The following MYO1D variants were observed in gnomAD, a reference collection of about 807,000 sequenced individuals.
MYO1D encodes the protein myosin ID.
Under a neutral mutation model 122.0 loss-of-function variants are expected in MYO1D, and 83 were observed. The ratio of observed to expected loss-of-function variants is 0.68; its 90% confidence interval spans 0.57 to 0.82. The LOEUF (loss-of-function observed/expected upper bound fraction) is 0.82, where lower values mean the gene tolerates loss of function less well. MYO1D is among the 40% of genes least tolerant of loss of function. The probability of loss-of-function intolerance (pLI) is 0.00; values close to 1 mark genes in which losing one functional copy is unlikely to be tolerated. For synonymous variants in MYO1D, 464 were observed against 446.9 expected, an observed-to-expected ratio of 1.04 and a Z score of -0.48; for missense variants, 1,157 against 1,269.5, an observed-to-expected ratio of 0.91 and a Z score of 1.35.
intron 20 of MYO1D, among the ~76,000 whole-genome samples, chr17:32,630,957 C>T (rs2087997616): frequency 6.6e-6 from 1 of 152,118 alleles, no homozygotes; most frequent in African/African-American, 2.4e-5. Context: ...TCCCTCTGTA[C>T]CTATGTTGTA....
At chr17:32,662,239 A>G (rs1939529262) in intron 16 of MYO1D, among the ~76,000 whole-genome samples, 2 of 152,182 alleles carry the variant, frequency 1.3e-5, no homozygotes, top group Non-Finnish European at 1.5e-5. Context: ...TATGGCCAAT[A>G]CATTTCTATT....
intron 21 of MYO1D, among the ~76,000 whole-genome samples, chr17:32,500,103 G>A (rs1339210322): frequency 6.6e-6 from 1 of 152,224 alleles, no homozygotes; most frequent in African/African-American, 2.4e-5. Context: ...AGCTGCATGC[G>A]TGGTGCTGCC....
chr17:32,631,610 G>A (rs1197478766), intron 20 of MYO1D, among the ~76,000 whole-genome samples: 1 of 151,520 alleles, frequency 6.6e-6, no homozygotes, highest in Non-Finnish European at 1.5e-5. Flanking sequence ...TTGCACAACT[G>A]CACTCCAGCC....
chr17:32,844,345 TTATATGTGTATATATATTATATATAGTA>T, intron 1 of MYO1D, among the ~76,000 whole-genome samples: 1 of 144,770 alleles, frequency 6.9e-6, no homozygotes, highest in East Asian at 1.9e-4. Flanking sequence ...TATGTATATA[TTATATGTGTATATATATTATATATAGTA>T]TATATGTGTA....
At chr17:32,810,883 T>C (rs2090565539) in intron 1 of MYO1D, among the ~76,000 whole-genome samples, 1 of 152,202 alleles carries the variant, frequency 6.6e-6, no homozygotes, top group African/African-American at 2.4e-5. Context: ...TATTTATGAG[T>C]CTTTTAAAAA....
At chr17:32,563,814 C>A (rs2087148369) in intron 21 of MYO1D, among the ~76,000 whole-genome samples, 1 of 152,200 alleles carries the variant, frequency 6.6e-6, no homozygotes, top group African/African-American at 2.4e-5. Flanking sequence ...TTCAATCACA[C>A]CTCAAACTGC....
At chr17:32,635,234 T>C (rs1047305905) in intron 20 of MYO1D, among the ~76,000 whole-genome samples, 4 of 151,998 alleles carry the variant, frequency 2.6e-5, no homozygotes, top group African/African-American at 4.8e-5. Context: ...AGTAAGAAGA[T>C]AGACAAAGAG....
In MYO1D at chr17:32,580,289, ATTTTTTTTTTTTTTTTTT is replaced by A. The variant is rs71144843; in HGVS notation, c.2864+24780_2864+24797del. Reference sequence around the variant, plus strand: ...CTTCTATTGTTAGTCTGCTAAGAGGATTTTTTTTTTTTTTTTTTTTTTTTTTTTTTTTTTTTACCAGAA... The same window carrying A: ...CTTCTATTGTTAGTCTGCTAAGAGGATTTTTTTTTTTTTTTTTTACCAGAA... On this transcript the variant is annotated intron_variant, in intron 21 of 21. Coordinates refer to ENST00000318217, the MANE Select transcript of MYO1D (RefSeq NM_015194.3). Among the ~76,000 whole-genome samples the A allele has an allele frequency of 3.4e-3, 135 of 39,144 alleles. 2 individuals are homozygous for A. Among genetic ancestry groups the A allele is most frequent in the Non-Finnish European group, 3.5e-3 (81 of 23,322 alleles). The allele number at this position is 39,144 out of a possible 152,430, so 25.7% of individuals were successfully genotyped here. A position where few individuals can be genotyped will look rare whatever the true frequency, so the allele number is the denominator to read the frequency against.
intron 21 of MYO1D, among the ~76,000 whole-genome samples, chr17:32,505,923 C>T (rs926694736): frequency 1.3e-5 from 2 of 152,212 alleles, no homozygotes; most frequent in African/African-American, 2.4e-5. Flanking sequence ...GCAAAACAAA[C>T]GCTTTCTCAG....
At chr17:32,567,177 G>A (rs1373359902) in intron 21 of MYO1D, among the ~76,000 whole-genome samples, 1 of 152,134 alleles carries the variant, frequency 6.6e-6, no homozygotes, top group Non-Finnish European at 1.5e-5. Flanking sequence ...AATGAAAAAA[G>A]AAGAGCTGAA....
intron 21 of MYO1D, among the ~76,000 whole-genome samples, chr17:32,520,389 G>A (rs1910092459): frequency 6.6e-6 from 1 of 152,222 alleles, no homozygotes; most frequent in African/African-American, 2.4e-5. Flanking sequence ...TTGCTATGAA[G>A]TCACACAAAG....
chr17:32,650,018 G>A (rs528552490), intron 19 of MYO1D, among the ~76,000 whole-genome samples: 2 of 152,308 alleles, frequency 1.3e-5, no homozygotes, highest in Admixed American at 1.3e-4. Flanking sequence ...ACATGTATTT[G>A]TCTATGTAGC....
chr17:32,552,746 C>T lies in MYO1D; in HGVS notation c.2864+52341G>A, dbSNP rs547095251. Among the ~76,000 whole-genome samples, 7 of 152,280 alleles carry T rather than the reference C, an allele frequency of 4.6e-5. No individual in the cohort carries two copies. The South Asian group carries it at 1.0e-3, about 23-fold the overall frequency. On this transcript the variant is annotated intron_variant, in intron 21 of 21. Coordinates refer to ENST00000318217, the MANE Select transcript of MYO1D (RefSeq NM_015194.3). ...AACTGAAGCTTCTTAAACCGGGACA[C>T]GATTATTTCCCTTGGATGTGCATCA...
chr17:32,771,928 G>GGTTT (rs1390038618), intron 5 of MYO1D, among the ~76,000 whole-genome samples: 7 of 152,038 alleles, frequency 4.6e-5, no homozygotes, highest in Non-Finnish European at 1.5e-5. Flanking sequence ...GAAGGTATTA[G>GGTTT]GTTTAAATTC....
intron 21 of MYO1D, among the ~76,000 whole-genome samples, chr17:32,569,783 T>C (rs1484179876): frequency 6.6e-6 from 1 of 152,188 alleles, no homozygotes; most frequent in African/African-American, 2.4e-5. Flanking sequence ...GAACTGTTGC[T>C]GATCTTTAGC....
chr17:32,672,555 A>G (rs1231332870), intron 16 of MYO1D, among the ~76,000 whole-genome samples: 1 of 151,956 alleles, frequency 6.6e-6, no homozygotes, highest in Non-Finnish European at 1.5e-5. Flanking sequence ...GTGTGATCTC[A>G]GCTCACTGCC....
intron 1 of MYO1D, among the ~76,000 whole-genome samples, chr17:32,850,816 C>T (rs565334468): frequency 4.5e-4 from 69 of 152,236 alleles, no homozygotes; most frequent in African/African-American, 1.5e-3. Flanking sequence ...TTGGATTGGG[C>T]TTGATCACCA....
intron 1 of MYO1D, among the ~76,000 whole-genome samples, chr17:32,829,022 C>T (rs2090748956): frequency 6.6e-6 from 1 of 152,172 alleles, no homozygotes; most frequent in Non-Finnish European, 1.5e-5. Flanking sequence ...GCCTCAATTC[C>T]ACACAGACAG....
At chr17:32,754,644 A>G (rs563114333) in intron 11 of MYO1D, among the ~76,000 whole-genome samples, 28 of 152,354 alleles carry the variant, frequency 1.8e-4, no homozygotes, top group African/African-American at 6.7e-4. Flanking sequence ...AGAGATTTAC[A>G]TGGAACTCTG....
Sources: gnomAD v4.1 joint callset for allele counts (sites outside exome capture counted in the v4.1 genomes callset) on GRCh38, gnomAD v4.1.1 for gene constraint, MANE v1.5 for transcripts, NCBI Gene and HGNC (gene_info 2026-07-23, HGNC 2026-07-21) for gene names.